The following MMP16 variants were observed in gnomAD, a reference collection of about 807,000 sequenced individuals.
MMP16 encodes matrix metalloproteinase-16.
MMP16 carries 12 observed loss-of-function variants against 67.8 expected under a neutral mutation model. The observed-to-expected ratio is 0.18, with a 90% confidence interval of 0.11 to 0.29. MMP16 has a LOEUF of 0.29. MMP16 is among the 10% of genes least tolerant of loss of function. The pLI is 1.00. For missense variants in MMP16, 475 were observed against 765.7 expected, an observed-to-expected ratio of 0.62 and a Z score of 4.48; for synonymous variants, 249 against 255.9, an observed-to-expected ratio of 0.97 and a Z score of 0.26.
intron 6 of MMP16, among the ~76,000 whole-genome samples, chr8:88,099,931 C>T (rs1444643944): frequency 1.3e-5 from 2 of 151,848 alleles, no homozygotes; most frequent in African/African-American, 2.4e-5. Flanking sequence ...CTCTTTAGGG[C>T]AGTGGTACTG....
intron 1 of MMP16, among the ~76,000 whole-genome samples, chr8:88,266,936 G>T (rs1335991517): frequency 6.6e-6 from 1 of 152,132 alleles, no homozygotes; most frequent in African/African-American, 2.4e-5. Flanking sequence ...CATGAGTTGA[G>T]AATCTATTAA....
At chr8:88,087,625 G>A (rs1395710143) in intron 6 of MMP16, among the ~76,000 whole-genome samples, 2 of 151,740 alleles carry the variant, frequency 1.3e-5, no homozygotes, top group African/African-American at 4.9e-5. Context: ...AACACAGAAA[G>A]TGGAGCAGGC....
intron 6 of MMP16, among the ~76,000 whole-genome samples, chr8:88,088,528 T>C (rs961938036): frequency 4.6e-5 from 7 of 152,104 alleles, no homozygotes; most frequent in Admixed American, 2.6e-4. Context: ...CCCAAGAAAT[T>C]ACAAAGCAAA....
chr8:88,323,746 T>C (rs906638992), intron 1 of MMP16, among the ~76,000 whole-genome samples: 2 of 152,036 alleles, frequency 1.3e-5, no homozygotes, highest in Admixed American at 6.6e-5. Context: ...ATGAACTATG[T>C]TCTGTCTCAA....
chr8:88,247,985 T>C (rs1586225106), intron 1 of MMP16, among the ~76,000 whole-genome samples: 2 of 152,022 alleles, frequency 1.3e-5, no homozygotes, highest in African/African-American at 2.4e-5. Context: ...TGAATTTGAA[T>C]TGGGGAGTGG....
At chr8:88,218,626 C>G (rs1349006654) in intron 1 of MMP16, among the ~76,000 whole-genome samples, 1 of 151,900 alleles carries the variant, frequency 6.6e-6, no homozygotes, top group East Asian at 1.9e-4. Context: ...ATCAATTATA[C>G]CTTGATAAAA....
chr8:88,257,989 G>A (rs1205605290), intron 1 of MMP16, among the ~76,000 whole-genome samples: 1 of 151,866 alleles, frequency 6.6e-6, no homozygotes, highest in African/African-American at 2.4e-5. Context: ...ACACAGGAAG[G>A]GCATCTAGCT....
chr8:88,171,103 T>C (rs1379013519), intron 3 of MMP16, among the ~76,000 whole-genome samples: 1 of 152,166 alleles, frequency 6.6e-6, no homozygotes, highest in East Asian at 1.9e-4. Context: ...AAGTACATAA[T>C]AGTTTTGAGA....
In MMP16 at chr8:88,058,330, G is replaced by A. The variant is rs1361497715; in HGVS notation, c.1223-2052C>T. ...ATTATAAAGGGAAGAATGAAAATAA[G>A]ATGACCCATCAAGAGTCTTTGGCAA... On this transcript the variant is annotated intron_variant, in intron 7 of 9. Transcript: ENST00000286614. The surrounding 1 kb of genome is among the most constrained non-coding windows in gnomAD (Gnocchi z 4.2). Among the ~76,000 whole-genome samples the A allele has an allele frequency of 6.6e-6, 1 of 152,224 alleles. No individual in the cohort carries two copies. Among genetic ancestry groups the A allele is most frequent in the East Asian group, 1.9e-4 (1 of 5,180 alleles).
chr8:88,294,539 CAT>C (rs1330642165), intron 1 of MMP16, among the ~76,000 whole-genome samples: 2 of 150,526 alleles, frequency 1.3e-5, no homozygotes, highest in East Asian at 3.9e-4. Flanking sequence ...TCTCTATACA[CAT>C]ATATGTATAT....
chr8:88,144,695 A>G (rs1156435855), intron 4 of MMP16, among the ~76,000 whole-genome samples: 1 of 151,980 alleles, frequency 6.6e-6, no homozygotes. Flanking sequence ...TCAATACTAT[A>G]CTATATGAAA....
chr8:88,233,937 A>G (rs1012023080), intron 1 of MMP16, among the ~76,000 whole-genome samples: 2 of 152,230 alleles, frequency 1.3e-5, no homozygotes, highest in African/African-American at 4.8e-5. Flanking sequence ...CACAATGATA[A>G]TTCTATTTTA....
intron 4 of MMP16, among the ~76,000 whole-genome samples, chr8:88,121,882 A>G (rs1807843990): frequency 6.6e-6 from 1 of 152,030 alleles, no homozygotes; most frequent in Non-Finnish European, 1.5e-5. Context: ...ATGCATTTTC[A>G]GATACTGTCT....
chr8:88,232,250 T>C (rs1183106148), intron 1 of MMP16, among the ~76,000 whole-genome samples: 1 of 152,196 alleles, frequency 6.6e-6, no homozygotes, highest in Non-Finnish European at 1.5e-5. Flanking sequence ...AATTCGGTTT[T>C]ACATCTTTAA....
chr8:88,259,935 T>C (rs560730576), intron 1 of MMP16, among the ~76,000 whole-genome samples: 4 of 152,284 alleles, frequency 2.6e-5, no homozygotes, highest in South Asian at 2.1e-4. Context: ...CAGAATCCAA[T>C]AGGTAGCTTA....
rs1808068939 is a variant in MMP16 at position 88,037,355 on chromosome 8, C to G, written c.*4106G>C. 1 of 151,610 alleles carries G rather than the reference C, an allele frequency of 6.6e-6. No homozygotes were observed. The highest frequency in any genetic ancestry group is 2.1e-4 in the South Asian group (1 of 4,828). 9.4% of individuals were successfully genotyped at this position (151,610 alleles called of 1,614,324 possible). A position where few individuals can be genotyped will look rare whatever the true frequency, so the allele number is the denominator to read the frequency against. ...TTATAGGTAATTATTAAAGGTAACA[C>G]TTGCTTATGTGTTAACAAAAAAAGA... is the stretch of plus-strand genomic sequence containing the variant. On this transcript the variant is annotated 3_prime_UTR_variant, in exon 10 of 10. Coordinates refer to ENST00000286614, the MANE Select transcript of MMP16 (RefSeq NM_005941.5).
At chr8:88,326,658 G>A (rs1232626739) in intron 1 of MMP16, among the ~76,000 whole-genome samples, 1 of 152,086 alleles carries the variant, frequency 6.6e-6, no homozygotes, top group Non-Finnish European at 1.5e-5. Flanking sequence ...CCTTTGTTAG[G>A]CACCAAACAC....
intron 1 of MMP16, among the ~76,000 whole-genome samples, chr8:88,323,823 T>C (rs1021202827): frequency 1.5e-4 from 23 of 151,596 alleles, no homozygotes; most frequent in Admixed American, 1.1e-3. Context: ...AATCCCTATA[T>C]GAGATAGCTA....
chr8:88,286,878 C>G (rs1028481236), intron 1 of MMP16, among the ~76,000 whole-genome samples: 3 of 152,018 alleles, frequency 2.0e-5, no homozygotes, highest in African/African-American at 7.2e-5. Flanking sequence ...GCCTGGAACT[C>G]TTTGATCAAC....
Sources: allele counts gnomAD v4.1 joint callset (sites outside exome capture counted in the v4.1 genomes callset), GRCh38; gene constraint gnomAD v4.1.1; non-coding constraint Gnocchi (gnomAD v3.1); transcripts MANE v1.5; gene names NCBI Gene and HGNC (gene_info 2026-07-23, HGNC 2026-07-21).